Variants in SESTD1 observed in about 807,000 individuals in gnomAD.
SESTD1 encodes SEC14 domain and spectrin repeat-containing protein 1.
Under a neutral mutation model 101.7 loss-of-function variants are expected in SESTD1, and 43 were observed. The ratio of observed to expected loss-of-function variants is 0.42; its 90% CI spans 0.33 to 0.55. The LOEUF (loss-of-function observed/expected upper bound fraction) is 0.55, where lower values mean the gene tolerates loss of function less well. Ranked by LOEUF, SESTD1 falls within the 20% of genes least tolerant of loss-of-function variation. The pLI is 0.07. For synonymous variants in SESTD1, 283 were observed against 286.8 expected (o/e 0.99, Z 0.13); for missense variants, 647 against 815.1 (o/e 0.79, Z 2.51).
chr2:179,248,983 C>A (rs532132697), intron 1 of SESTD1, among the ~76,000 whole-genome samples: 89 of 149,894 alleles, frequency 5.9e-4, no homozygotes, highest in African/African-American at 2.2e-3. Flanking sequence ...CCTAGCTACT[C>A]AGGAGGCTGA....
chr2:179,117,672 AC>A, intron 13 of SESTD1, 59 bp from the exon 14 acceptor site: 1 of 1,335,368 alleles, frequency 7.5e-7, no homozygotes, highest in Non-Finnish European at 1.0e-6. Context: ...TACTATTGTA[AC>A]ATCATCATTT....
At chr2:179,197,825 G>A (rs2046428177) in intron 1 of SESTD1, among the ~76,000 whole-genome samples, 1 of 152,054 alleles carries the variant, frequency 6.6e-6, no homozygotes. Context: ...AACATGGAAA[G>A]GAACAACCGG....
chr2:179,213,794 C>G lies in SESTD1; in HGVS notation c.-25-21928G>C, dbSNP rs1223946361. Among the ~76,000 whole-genome samples the G allele has an allele frequency of 3.7e-5, 5 of 135,178 alleles. 2 individuals carry two copies. Among genetic ancestry groups the G allele is most frequent in the African/African-American group, 8.8e-5 (3 of 34,272 alleles). 88.7% of individuals were successfully genotyped at this position (135,178 alleles called of 152,430 possible). A position where few individuals can be genotyped will look rare whatever the true frequency, so the allele number is the denominator to read the frequency against. ...AGGATGGAATCTCCTGGCAGAAACCCTACAAGCCAGAAAAGAGTGGGGGAC... is the reference window on the plus strand; with the variant it reads ...AGGATGGAATCTCCTGGCAGAAACCGTACAAGCCAGAAAAGAGTGGGGGAC... On this transcript the variant is annotated intron_variant, in intron 1 of 17. Transcript: ENST00000428443.
intron 1 of SESTD1, among the ~76,000 whole-genome samples, chr2:179,199,593 A>C (rs1170983841): frequency 6.6e-6 from 1 of 152,110 alleles, no homozygotes; most frequent in African/African-American, 2.4e-5. Context: ...AGCACATCAA[A>C]AAGCTTATCC....
chr2:179,148,390 C>T (rs1241570022), intron 7 of SESTD1, among the ~76,000 whole-genome samples: 5 of 152,164 alleles, frequency 3.3e-5, no homozygotes, highest in Admixed American at 6.5e-5. Flanking sequence ...GGAGGACTTG[C>T]TCTACCAACA....
At chr2:179,110,299 T>TG (rs2044479713) in intron 17 of SESTD1, among the ~76,000 whole-genome samples, 1 of 152,114 alleles carries the variant, frequency 6.6e-6, no homozygotes, top group Admixed American at 6.5e-5. Context: ...AGCAACAAAT[T>TG]GAACAATGAA....
chr2:179,234,557 C>A (rs1275122228), intron 1 of SESTD1, among the ~76,000 whole-genome samples: 1 of 152,056 alleles, frequency 6.6e-6, no homozygotes, highest in Admixed American at 6.6e-5. Context: ...GCGGGTAGAT[C>A]ACTTGGGGTC....
chr2:179,127,755 G>T (rs1301851186), intron 10 of SESTD1, among the ~76,000 whole-genome samples: 2 of 152,126 alleles, frequency 1.3e-5, no homozygotes, highest in African/African-American at 2.4e-5. Flanking sequence ...GTCTTACCTT[G>T]TTTATCAGTT....
chr2:179,175,283 T>A (rs1292306308), intron 4 of SESTD1, among the ~76,000 whole-genome samples: 1 of 152,202 alleles, frequency 6.6e-6, no homozygotes, highest in African/African-American at 2.4e-5. Flanking sequence ...AATTACCACT[T>A]TGTTCCTATC....
intron 1 of SESTD1, among the ~76,000 whole-genome samples, chr2:179,205,830 TAG>T (rs10547073): frequency 0.13 from 16,897 of 133,662 alleles, 6,136 homozygotes; most frequent in African/African-American, 0.48. Flanking sequence ...TCCTCCCTTC[TAG>T]AGTCTCCTTT....
intron 8 of SESTD1, among the ~76,000 whole-genome samples, chr2:179,144,390 T>A (rs1290985244): frequency 6.6e-6 from 1 of 152,044 alleles, no homozygotes; most frequent in Non-Finnish European, 1.5e-5. Flanking sequence ...TCTCTATTTA[T>A]AAGAATCTTC....
At chr2:179,125,835 T>C (rs954688393) in intron 10 of SESTD1, among the ~76,000 whole-genome samples, 1 of 152,170 alleles carries the variant, frequency 6.6e-6, no homozygotes, top group Non-Finnish European at 1.5e-5. Context: ...GGAAAACTCT[T>C]TCATCTTCCC....
chr2:179,219,718 TTG>T (rs1237990704), intron 1 of SESTD1, among the ~76,000 whole-genome samples: 2 of 152,214 alleles, frequency 1.3e-5, no homozygotes, highest in Non-Finnish European at 2.9e-5. Flanking sequence ...TTTATGTAAT[TTG>T]TGTGTTATTG....
chr2:179,130,353 A>G (rs1409989280), intron 10 of SESTD1, among the ~76,000 whole-genome samples: 1 of 152,176 alleles, frequency 6.6e-6, no homozygotes, highest in Non-Finnish European at 1.5e-5. Flanking sequence ...CAAAAGTTTT[A>G]TATATTGGTT....
intron 2 of SESTD1, among the ~76,000 whole-genome samples, chr2:179,187,343 G>A (rs1240899403): frequency 1.3e-5 from 2 of 152,078 alleles, no homozygotes; most frequent in Non-Finnish European, 2.9e-5. Flanking sequence ...AAAAAGATTT[G>A]GCCAAGCACA....
chr2:179,207,770 G>A (rs2046607911), intron 1 of SESTD1, among the ~76,000 whole-genome samples: 1 of 134,384 alleles, frequency 7.4e-6, no homozygotes, highest in South Asian at 2.8e-4. Context: ...CTAACAAAAT[G>A]AGAATGAACC....
At chr2:179,183,825 AAAAG>A (rs2046160572) in intron 2 of SESTD1, among the ~76,000 whole-genome samples, 1 of 149,968 alleles carries the variant, frequency 6.7e-6, no homozygotes, top group African/African-American at 2.5e-5. Context: ...GAAAGAAAAG[AAAAG>A]AAAGGAGAGA....
intron 8 of SESTD1, among the ~76,000 whole-genome samples, chr2:179,145,220 C>T (rs1369598331): frequency 6.6e-6 from 1 of 151,914 alleles, no homozygotes; most frequent in Non-Finnish European, 1.5e-5. Context: ...ACAATTGTCA[C>T]CCTTGATTAT....
intron 1 of SESTD1, among the ~76,000 whole-genome samples, chr2:179,249,937 A>G (rs553989649): frequency 6.6e-6 from 1 of 152,104 alleles, no homozygotes; most frequent in Non-Finnish European, 1.5e-5. Flanking sequence ...ACCTTACACA[A>G]AATCGATCAT....
Sources: gnomAD v4.1 joint callset for allele counts (sites outside exome capture counted in the v4.1 genomes callset) on GRCh38, gnomAD v4.1.1 for gene constraint, MANE v1.5 for transcripts, NCBI Gene and HGNC (gene_info 2026-07-23, HGNC 2026-07-21) for gene names.